Variants in CRYBG1 observed in about 807,000 individuals in gnomAD.
The protein encoded by CRYBG1 is crystallin beta-gamma domain containing 1.
In CRYBG1, 139 loss-of-function variants were observed where a neutral mutation model predicts 189.2. That is an observed-to-expected ratio of 0.73 (90% CI 0.64 to 0.85). The LOEUF is 0.85. Ranked by LOEUF, CRYBG1 falls within the 40% of genes least tolerant of loss-of-function variation. The pLI is 0.00. For synonymous variants in CRYBG1, 1,023 were observed against 1,017.1 expected (o/e 1.01, Z -0.11); for missense variants, 2,611 against 2,675.8 (o/e 0.98, Z 0.53).
At position 106,512,898 on chromosome 6, in the gene CRYBG1, A is replaced by G; in HGVS notation, c.1781A>G (p.His594Arg). The G allele has an allele frequency of 6.2e-7, 1 of 1,602,642 alleles. No individual in the cohort carries two copies. The highest frequency in any genetic ancestry group is 1.7e-5 in the Admixed American group (1 of 58,634). Reference protein sequence around the residue: ...PEHKRGPLPNHFNGRAEGGRS... With the variant: ...PEHKRGPLPNRFNGRAEGGRS... Reference sequence around the variant, plus strand: ...CACAAGAGGGGCCCGCTCCCCAACCACTTCAACGGCCGGGCAGAGGGAGGT... The same window carrying G: ...CACAAGAGGGGCCCGCTCCCCAACCGCTTCAACGGCCGGGCAGAGGGAGGT... Residue 594 changes from histidine to arginine, a missense_variant, in exon 3 of 22, where the codon CAC (histidine) becomes CGC (arginine). His to Arg is a conservative substitution (Grantham distance 29). Transcript: ENST00000633556.
intron 7 of CRYBG1, among the ~76,000 whole-genome samples, chr6:106,529,757 C>T (rs1007224135): frequency 6.6e-6 from 1 of 152,130 alleles, no homozygotes; most frequent in Admixed American, 6.5e-5. Flanking sequence ...CAACAGAGGG[C>T]TTATGGACAC....
At chr6:106,563,106 T>C (rs1397278728) in intron 20 of CRYBG1, among the ~76,000 whole-genome samples, 1 of 152,238 alleles carries the variant, frequency 6.6e-6, no homozygotes, top group Non-Finnish European at 1.5e-5. Flanking sequence ...GTAATTTTTG[T>C]TAATGGCATG....
At chr6:106,458,543 A>G (rs922318053) in intron 2 of CRYBG1, among the ~76,000 whole-genome samples, 3 of 152,212 alleles carry the variant, frequency 2.0e-5, no homozygotes, top group African/African-American at 7.2e-5. Context: ...CTGCATTTGT[A>G]TGACTGGAAC....
At chr6:106,383,058 ACT>A (rs1770317005) in intron 1 of CRYBG1, among the ~76,000 whole-genome samples, 1 of 152,088 alleles carries the variant, frequency 6.6e-6, no homozygotes, top group Admixed American at 6.6e-5. Flanking sequence ...GGGCAGAAAG[ACT>A]CTTGAGGTAG....
chr6:106,555,926 A>G, intron 17 of CRYBG1, 29 bp downstream of exon 17: 1 of 1,613,722 alleles, frequency 6.2e-7, no homozygotes, highest in Non-Finnish European at 8.5e-7. Flanking sequence ...ATAGTGTTGC[A>G]GAAATGTATG....
At chr6:106,409,022 G>C (rs910079335) in intron 1 of CRYBG1, among the ~76,000 whole-genome samples, 2 of 151,684 alleles carry the variant, frequency 1.3e-5, no homozygotes, top group African/African-American at 2.4e-5. Context: ...GTTCTGGCCA[G>C]GGTAATCAGG....
At chr6:106,470,069 T>G (rs567730033) in intron 2 of CRYBG1, among the ~76,000 whole-genome samples, 2 of 152,282 alleles carry the variant, frequency 1.3e-5, no homozygotes, top group Non-Finnish European at 2.9e-5. Flanking sequence ...CCTCCTCCCT[T>G]TGGTCCCCGA....
At chr6:106,567,290 G>T (rs1774917214) in intron 21 of CRYBG1, among the ~76,000 whole-genome samples, 1 of 151,990 alleles carries the variant, frequency 6.6e-6, no homozygotes, top group Admixed American at 6.5e-5. Context: ...TTTCCCTACT[G>T]CTACAAACTT....
chr6:106,490,306 G>A, intron 2 of CRYBG1, among the ~76,000 whole-genome samples: 1 of 152,242 alleles, frequency 6.6e-6, no homozygotes, highest in Non-Finnish European at 1.5e-5. Context: ...TGCCTGGCAT[G>A]AGGTTTGCTA....
chr6:106,489,691 G>A lies in CRYBG1; in HGVS notation c.313-21739G>A, dbSNP rs550654614. 1.5e-4 allele frequency among the ~76,000 whole-genome samples: 22 copies of A among 149,286 alleles called. 1 individual carries two copies. In the South Asian group the frequency reaches 4.4e-3, roughly 30 times the overall value. Reference sequence around the variant, plus strand: ...AAAAAAAAAAAAATTAGCCGGGGGCGGTAGTATGCACCTGTAATCCCAGCT... The same window carrying A: ...AAAAAAAAAAAAATTAGCCGGGGGCAGTAGTATGCACCTGTAATCCCAGCT... On this transcript the variant is annotated intron_variant, in intron 2 of 21. Coordinates refer to ENST00000633556, the MANE Select transcript of CRYBG1 (RefSeq NM_001371242.2).
At chr6:106,485,974 G>GCCT (rs1772585128) in intron 2 of CRYBG1, among the ~76,000 whole-genome samples, 1 of 152,148 alleles carries the variant, frequency 6.6e-6, no homozygotes, top group Non-Finnish European at 1.5e-5. Context: ...GGGTAATGCT[G>GCCT]CCTTCATTTC....
At chr6:106,407,374 A>G (rs890517800) in intron 1 of CRYBG1, among the ~76,000 whole-genome samples, 2 of 141,572 alleles carry the variant, frequency 1.4e-5, no homozygotes, top group East Asian at 4.3e-4. Context: ...AGGAGCACCC[A>G]GATTCATAAA....
intron 1 of CRYBG1, among the ~76,000 whole-genome samples, chr6:106,404,083 G>C (rs1391476892): frequency 1.3e-5 from 2 of 152,214 alleles, no homozygotes; most frequent in African/African-American, 4.8e-5. Flanking sequence ...TCTTTCCTAG[G>C]TTCCTTTCAG....
rs145663325 is a variant in CRYBG1, at chr6:106,440,213, C to G, written c.174-11481C>G. Among the ~76,000 whole-genome samples the G allele has an allele frequency of 5.3e-3, 805 of 152,050 alleles. 9 individuals carry two copies. The highest frequency in any genetic ancestry group is 0.018 in the African/African-American group (753 of 41,514). On this transcript the variant is annotated intron_variant, in intron 1 of 21. Transcript: ENST00000633556. ...AATTTTCCTTCCTTTAAAGCACATC[C>G]TCACCTTATTTGAAGCACTTTCCTT...
intron 2 of CRYBG1, among the ~76,000 whole-genome samples, chr6:106,509,701 C>T (rs560195038): frequency 6.6e-6 from 1 of 152,134 alleles, no homozygotes; most frequent in African/African-American, 2.4e-5. Flanking sequence ...TCTCGGGTGG[C>T]GGCAGAACCT....
At chr6:106,395,289 G>A (rs147672949) in intron 1 of CRYBG1, among the ~76,000 whole-genome samples, 13 of 150,928 alleles carry the variant, frequency 8.6e-5, no homozygotes, top group Admixed American at 6.6e-5. Context: ...TTATACTTAG[G>A]TTTCTCTATT....
intron 1 of CRYBG1, among the ~76,000 whole-genome samples, chr6:106,393,986 T>A (rs1417628625): frequency 6.6e-6 from 1 of 152,228 alleles, no homozygotes; most frequent in Non-Finnish European, 1.5e-5. Context: ...TCTTCCTTTT[T>A]TGTCTTGTCC....
At chr6:106,533,406 T>C (rs903667856) in intron 8 of CRYBG1, among the ~76,000 whole-genome samples, 2 of 152,228 alleles carry the variant, frequency 1.3e-5, no homozygotes, top group African/African-American at 2.4e-5. Flanking sequence ...TTAGATTTAC[T>C]CTACGTGGCA....
intron 1 of CRYBG1, among the ~76,000 whole-genome samples, chr6:106,439,579 A>G (rs1273270968): frequency 6.6e-6 from 1 of 152,200 alleles, no homozygotes; most frequent in Non-Finnish European, 1.5e-5. Context: ...TCATCATTCT[A>G]CCTGATGAGA....
Sources: gnomAD v4.1 joint callset for allele counts (sites outside exome capture counted in the v4.1 genomes callset) on GRCh38, gnomAD v4.1.1 for gene constraint, MANE v1.5 for transcripts, NCBI Gene and HGNC (gene_info 2026-07-23, HGNC 2026-07-21) for gene names.